The following MTR variants were observed in gnomAD, a reference collection of about 807,000 sequenced individuals.
The protein encoded by MTR is methionine synthase.
A neutral mutation model predicts 154.8 loss-of-function variants in MTR; 84 were observed. The observed-to-expected ratio is 0.54, with a 90% CI of 0.45 to 0.65. The LOEUF (loss-of-function observed/expected upper bound fraction) is 0.65. Among genes scored for constraint, MTR ranks in the 30% least tolerant of loss-of-function variants. The pLI, the probability that MTR is intolerant of heterozygous loss-of-function variation, is 0.00. For missense variants in MTR, 1,275 were observed against 1,570.2 expected (o/e 0.81, Z 3.18); for synonymous variants, 554 against 553.9 (o/e 1.00, Z 0.00).
chr1:236,823,347 GTCATGTCAGTTC>G (rs1558287739), intron 8 of MTR, among the ~76,000 whole-genome samples: 2 of 152,092 alleles, frequency 1.3e-5, no homozygotes, highest in South Asian at 4.1e-4. Context: ...TCTTTTGTGG[GTCATGTCAGTTC>G]TCAAAAAGTT....
intron 1 of MTR, among the ~76,000 whole-genome samples, chr1:236,797,964 AAAAC>A (rs1464231538): frequency 6.8e-6 from 1 of 147,308 alleles, no homozygotes; most frequent in African/African-American, 2.5e-5. Context: ...TCTCCAAAAA[AAAAC>A]AAAACAAAAC....
intron 8 of MTR, among the ~76,000 whole-genome samples, chr1:236,822,159 A>C (rs1477431099): frequency 6.6e-6 from 1 of 152,182 alleles, no homozygotes; most frequent in Non-Finnish European, 1.5e-5. Context: ...TATCTTAACA[A>C]TATTGTCTTC....
intron 5 of MTR, among the ~76,000 whole-genome samples, chr1:236,812,095 C>T (rs1270521001): frequency 6.6e-6 from 1 of 152,242 alleles, no homozygotes; most frequent in Non-Finnish European, 1.5e-5. Context: ...GTTGGCCAGG[C>T]TGGTCTTGAA....
intron 2 of MTR, among the ~76,000 whole-genome samples, chr1:236,804,519 T>C (rs1178687185): frequency 1.3e-5 from 2 of 152,252 alleles, no homozygotes; most frequent in Non-Finnish European, 2.9e-5. Context: ...TTTTTACTTA[T>C]ATACCATGAG....
chr1:236,897,310 G>GCGTGCGCGCACACACACA lies in MTR; in HGVS notation c.3711+193_3711+194insGTGCGCGCACACACACAC. Among the ~76,000 whole-genome samples the GCGTGCGCGCACACACACA allele has an allele frequency of 9.2e-4, 118 of 128,682 alleles. 6 individuals are homozygous for GCGTGCGCGCACACACACA. The South Asian group carries it at 0.032, about 35-fold the overall frequency. The allele number at this position is 128,682 out of a possible 152,430, so 84.4% of individuals were successfully genotyped here. A position where few individuals can be genotyped will look rare whatever the true frequency, so the allele number is the denominator to read the frequency against. On this transcript the variant is annotated intron_variant, in intron 32 of 32. Transcript: ENST00000366577. ...ACTTCTACATGCAAGCCACACACACGCACACACACACACACACACACACAC... is the reference window on the plus strand; with the variant it reads ...ACTTCTACATGCAAGCCACACACACGCGTGCGCGCACACACACACACACACACACACACACACACACAC...
intron 8 of MTR, among the ~76,000 whole-genome samples, chr1:236,823,364 A>C (rs377283018): frequency 1.3e-5 from 2 of 152,324 alleles, no homozygotes; most frequent in African/African-American, 4.8e-5. Flanking sequence ...CAGTTCTCAA[A>C]AAGTTTCATA....
rs752629385 is a variant in MTR, at chr1:236,810,484, T to C, written c.410-19T>C. 6.2e-7 allele frequency: 1 copy of C among 1,604,128 alleles called. No homozygotes were observed. Among genetic ancestry groups the C allele is most frequent in the Admixed American group, 1.7e-5 (1 of 59,992 alleles). ...TTCAGCCACTTAGAGATCTCACACT[T>C]GTTTTTCTTTTCCCAAAGGAATTAA... On this transcript the variant is annotated intron_variant, in intron 4 of 32. Transcript: ENST00000366577.
chr1:236,897,312 A>ACGCGCGCGCG (rs1034067394), intron 32 of MTR, among the ~76,000 whole-genome samples, 194 bp downstream of exon 32: 2 of 66,180 alleles, frequency 3.0e-5, no homozygotes, highest in African/African-American at 1.0e-4. Context: ...ACACACACGC[A>ACGCGCGCGCG]CACACACACA....
chr1:236,852,605 A>G lies in MTR; in HGVS notation c.1780A>G (p.Met594Val), dbSNP rs531465813. The change falls in exon 17 of 33, where the codon ATG becomes GTG. Residue 594 changes from methionine to valine, a missense_variant. Met to Val is a conservative substitution (Grantham distance 21). Transcript: ENST00000366577. ...FRGMEAIREA[M>V]HGVFLYHAIK... ...AGGAATGGAAGCCATTCGAGAAGCA[A>G]TGCATGGGGTTTTCCTTTACCATGC... is the stretch of plus-strand genomic sequence containing the variant. 2.0e-5 allele frequency: 32 copies of G among 1,613,908 alleles called. No individual in the cohort carries two copies. Among genetic ancestry groups the G allele is most frequent in the Non-Finnish European group, 2.5e-5 (29 of 1,179,958 alleles).
rs2102981973 is a variant in MTR, at chr1:236,795,538, G to GA, written c.-166_-165insA. On this transcript the variant is annotated 5_prime_UTR_variant, in exon 1 of 33. Transcript: ENST00000366577. ...GGCCCTAGGGCGCTGCGGGCTTTCGGGGTCCGCAGTCCCCCCGCGACGCGA... is the reference window on the plus strand; with the variant it reads ...GGCCCTAGGGCGCTGCGGGCTTTCGGAGGTCCGCAGTCCCCCCGCGACGCGA... The GA allele has an allele frequency of 6.5e-7, 1 of 1,533,576 alleles. No individual in the cohort carries two copies. Among genetic ancestry groups the GA allele is most frequent in the Non-Finnish European group, 8.7e-7 (1 of 1,144,452 alleles). 95.0% of individuals were successfully genotyped at this position (1,533,576 alleles called of 1,614,324 possible).
chr1:236,804,492 T>C (rs553903043), intron 2 of MTR, among the ~76,000 whole-genome samples: 2 of 151,856 alleles, frequency 1.3e-5, no homozygotes, highest in African/African-American at 4.9e-5. Flanking sequence ...TGCTTCGTAC[T>C]GTCTTATAAT....
Position 236,859,935 on chromosome 1 carries a change from G to A in MTR, c.2043+13G>A, listed in dbSNP as rs1322364356. ...TGCCCTTGTGAAGGTAAGTTACAGG[G>A]GCCTGAACTGGAGGGCTGGAGGCTC... On this transcript the variant is annotated intron_variant, in intron 19 of 32. Coordinates refer to ENST00000366577, the MANE Select transcript of MTR (RefSeq NM_000254.3). The A allele has an allele frequency of 1.2e-6, 2 of 1,611,156 alleles. No homozygotes were observed. The highest frequency in any genetic ancestry group is 1.7e-6 in the Non-Finnish European group (2 of 1,177,522).
intron 24 of MTR, among the ~76,000 whole-genome samples, chr1:236,878,832 C>T (rs1211203530): frequency 6.6e-6 from 1 of 152,212 alleles, no homozygotes; most frequent in African/African-American, 2.4e-5. Context: ...GTTCATTAAT[C>T]TGCCCCAGGG....
At chr1:236,894,988 A>G (rs997255122) in intron 30 of MTR, 2 of 364,814 alleles carry the variant, frequency 5.5e-6, no homozygotes, top group Non-Finnish European at 5.1e-6. Context: ...TGCCCTGGGG[A>G]GAGCCTCTCC....
At chr1:236,836,693 CTTTCA>C (rs1558298354) in intron 14 of MTR, among the ~76,000 whole-genome samples, 1 of 152,200 alleles carries the variant, frequency 6.6e-6, no homozygotes, top group African/African-American at 2.4e-5. Flanking sequence ...ATTTGTCCAT[CTTTCA>C]TTTGTGTCTT....
intron 32 of MTR, among the ~76,000 whole-genome samples, 199 bp downstream of exon 32, chr1:236,897,317 C>T (rs1344293425): frequency 6.9e-6 from 1 of 144,886 alleles, no homozygotes; most frequent in Non-Finnish European, 1.5e-5. Context: ...CACGCACACA[C>T]ACACACACAC....
chr1:236,810,721 T>C (rs1362061644), intron 5 of MTR, 126 bp downstream of exon 5: 8 of 791,408 alleles, frequency 1.0e-5, no homozygotes, highest in African/African-American at 3.4e-5. Context: ...TTAATCCATG[T>C]AAAACGTGTA....
chr1:236,896,370 A>G (rs935898345), intron 31 of MTR, among the ~76,000 whole-genome samples: 2 of 152,240 alleles, frequency 1.3e-5, no homozygotes, highest in African/African-American at 4.8e-5. Context: ...CTTCAGCAGG[A>G]ACAACACTAA....
intron 13 of MTR, 29 bp from the exon 14 acceptor site, chr1:236,835,518 T>C: frequency 6.2e-7 from 1 of 1,612,762 alleles, no homozygotes; most frequent in Non-Finnish European, 8.5e-7. Context: ...TGTCTCCTAA[T>C]GCTGCTTCCT....
Sources: gnomAD v4.1 joint callset for allele counts (sites outside exome capture counted in the v4.1 genomes callset) on GRCh38, gnomAD v4.1.1 for gene constraint, MANE v1.5 for transcripts, NCBI Gene and HGNC (gene_info 2026-07-23, HGNC 2026-07-21) for gene names.